Variants in NCLN observed in about 807,000 individuals in gnomAD.
NCLN encodes nicalin.
Under a neutral mutation model 69.5 loss-of-function variants are expected in NCLN, and 34 were observed. The observed-to-expected ratio is 0.49, with a 90% confidence interval of 0.37 to 0.65. The LOEUF (loss-of-function observed/expected upper bound fraction) is 0.65, where lower values mean the gene tolerates loss of function less well. Among genes scored for constraint, NCLN ranks in the 30% least tolerant of loss-of-function variants. NCLN has a pLI of 0.00. For missense variants in NCLN, 710 were observed against 804.8 expected (o/e 0.88, Z 1.42); for synonymous variants, 393 against 358.3 (o/e 1.10, Z -1.09).
intron 3 of NCLN, among the ~76,000 whole-genome samples, chr19:3,195,731 C>T (rs1213465784): frequency 6.6e-6 from 1 of 152,048 alleles, no homozygotes; most frequent in East Asian, 1.9e-4. Flanking sequence ...GTAGAGGCTG[C>T]AGTGAGCCAT....
Position 3,204,792 on chromosome 19 carries a change from C to T in NCLN, c.1208+41C>T, listed in dbSNP as rs537394088. The T allele has an allele frequency of 6.0e-5, 84 of 1,395,706 alleles. No individual in the cohort carries two copies. In the African/African-American group the frequency reaches 1.1e-3, roughly 19 times the overall value. 86.5% of individuals were successfully genotyped at this position (1,395,706 alleles called of 1,614,324 possible). ...CCTGCCCGGCCCCTCCTAGGGCTTT[C>T]CTGGGGGCTGAGCCACTGGTCGCAA... is the stretch of plus-strand genomic sequence containing the variant. On this transcript the variant is annotated intron_variant, in intron 9 of 14. Transcript: ENST00000246117.
At chr19:3,191,189 T>C (rs477511) in intron 1 of NCLN, among the ~76,000 whole-genome samples, 68,510 of 151,486 alleles carry the variant, frequency 0.45, 15,538 homozygotes, top group East Asian at 0.54. Flanking sequence ...AGCTCAGGTG[T>C]GCGGAGCAGG....
At chr19:3,196,918 C>T (rs1421896721) in intron 4 of NCLN, among the ~76,000 whole-genome samples, 1 of 152,256 alleles carries the variant, frequency 6.6e-6, no homozygotes, top group African/African-American at 2.4e-5. Context: ...GGGGTTGCCT[C>T]ACTGTCGGGG....
intron 6 of NCLN, among the ~76,000 whole-genome samples, chr19:3,201,993 G>A (rs1916137676): frequency 6.6e-6 from 1 of 152,164 alleles, no homozygotes; most frequent in South Asian, 2.1e-4. Context: ...GCGCTGAGCA[G>A]CATCCCTGCC....
Position 3,206,171 on chromosome 19 carries a change from C to G in NCLN, c.1316C>G (p.Pro439Arg). 2 of 1,248,328 alleles carry G rather than the reference C, an allele frequency of 1.6e-6. No homozygotes were observed. Among genetic ancestry groups the G allele is most frequent in the Non-Finnish European group, 2.1e-6 (2 of 970,872 alleles). 77.3% of individuals were successfully genotyped at this position (1,248,328 alleles called of 1,614,324 possible). ...LTEKGTPPDM[P>R]VFTEQMQIQQ... Reference sequence around the variant, plus strand: ...CCGCAGGGGACACCCCCAGACATGCCGGTGTTCACAGAGCAGATGGTAAGG... The same window carrying G: ...CCGCAGGGGACACCCCCAGACATGCGGGTGTTCACAGAGCAGATGGTAAGG... The change falls in exon 11 of 15, where the codon CCG becomes CGG. Residue 439 changes from proline to arginine, a missense_variant. By Grantham distance (103) the Pro-to-Arg change is moderately radical. Transcript: ENST00000246117.
intron 1 of NCLN, among the ~76,000 whole-genome samples, chr19:3,188,911 C>G (rs535214191): frequency 2.6e-5 from 4 of 152,342 alleles, no homozygotes; most frequent in Admixed American, 6.5e-5. Flanking sequence ...TGGTTTGGGC[C>G]AGAGCCCTGC....
intron 5 of NCLN, among the ~76,000 whole-genome samples, chr19:3,200,136 C>T (rs1916087703): frequency 6.6e-6 from 1 of 152,020 alleles, no homozygotes. Flanking sequence ...GCTGGGCCCA[C>T]ACAAACTCAA....
In NCLN at chr19:3,198,485, C is replaced by T. The variant is rs184253623; in HGVS notation, c.616-332C>T. 8.0e-3 allele frequency among the ~76,000 whole-genome samples: 1,144 copies of T among 143,768 alleles called. 4 individuals carry two copies. The highest frequency in any genetic ancestry group is 0.013 in the Non-Finnish European group (852 of 66,786). The allele number at this position is 143,768 out of a possible 152,430, so 94.3% of individuals were successfully genotyped here. A position where few individuals can be genotyped will look rare whatever the true frequency, so the allele number is the denominator to read the frequency against. On this transcript the variant is annotated intron_variant, in intron 4 of 14. Coordinates refer to ENST00000246117, the MANE Select transcript of NCLN (RefSeq NM_020170.4). ...TCGTACCACTGCACTCCAGCCTGGGCGACAGAGTGAGATTCCGTCTCAAAA... is the reference window on the plus strand; with the variant it reads ...TCGTACCACTGCACTCCAGCCTGGGTGACAGAGTGAGATTCCGTCTCAAAA...
intron 1 of NCLN, 59 bp downstream of exon 1, chr19:3,186,273 C>T (rs1915667728): frequency 1.4e-6 from 2 of 1,393,942 alleles, no homozygotes; most frequent in African/African-American, 1.5e-5. Flanking sequence ...GCCACTCCGG[C>T]CCGGCGATCC....
At chr19:3,206,118 C>A in intron 10 of NCLN, 34 bp from the exon 11 acceptor site, 1 of 1,552,896 alleles carries the variant, frequency 6.4e-7, no homozygotes, top group Non-Finnish European at 8.7e-7. Flanking sequence ...CTGCAGGGGC[C>A]TGGACTCAGG....
Position 3,203,856 on chromosome 19 carries a change from C to T in NCLN, c.889+12C>T, listed in dbSNP as rs189811964. On this transcript the variant is annotated intron_variant, in intron 7 of 14. Transcript: ENST00000246117. ...CCTGGACCACACAGGTGAGCGGCCC[C>T]GGGTGGGGGTGGGGGTGCCGCGGTG... 3.5e-4 allele frequency: 560 copies of T among 1,610,410 alleles called. 3 individuals are homozygous for T. The Middle Eastern group carries it at 9.3e-3, about 27-fold the overall frequency.
In NCLN at chr19:3,205,862, G is replaced by C; in HGVS notation, c.1209-77G>C. On this transcript the variant is annotated intron_variant, in intron 9 of 14. Coordinates refer to ENST00000246117, the MANE Select transcript of NCLN (RefSeq NM_020170.4). The surrounding 1 kb of genome is among the most constrained non-coding windows in gnomAD (Gnocchi z 4.6). ...GTCTCACGGTCTCCTAGGCTGGAGTGCTGGGATTACAAGTGTGAGAGCTAC... is the reference window on the plus strand; with the variant it reads ...GTCTCACGGTCTCCTAGGCTGGAGTCCTGGGATTACAAGTGTGAGAGCTAC... 1 of 1,305,818 alleles carries C rather than the reference G, an allele frequency of 7.7e-7. No individual in the cohort carries two copies. Among genetic ancestry groups the C allele is most frequent in the Non-Finnish European group, 1.1e-6 (1 of 905,168 alleles). The allele number at this position is 1,305,818 out of a possible 1,614,324, so 80.9% of individuals were successfully genotyped here.
In NCLN at chr19:3,204,193, A is replaced by G. The variant is rs896929318; in HGVS notation, c.1029+49A>G. On this transcript the variant is annotated intron_variant, in intron 8 of 14. Transcript: ENST00000246117. ...GTCCGGAGCTCTGCGGAGCACACAC[A>G]TCGGGGCCGGGTTGGGGCATCCTGT... 4 of 1,474,988 alleles carry G rather than the reference A, an allele frequency of 2.7e-6. No individual in the cohort carries two copies. In the African/African-American group the frequency reaches 4.3e-5, roughly 16 times the overall value. The allele number at this position is 1,474,988 out of a possible 1,614,324, so 91.4% of individuals were successfully genotyped here.
intron 1 of NCLN, among the ~76,000 whole-genome samples, chr19:3,187,177 A>T (rs1435931859): frequency 1.3e-5 from 2 of 151,956 alleles, no homozygotes; most frequent in Non-Finnish European, 2.9e-5. Flanking sequence ...TTGCCCTTGC[A>T]TTCTGCAAGT....
chr19:3,207,452 G>T lies in NCLN; in HGVS notation c.1615G>T (p.Ala539Ser). ...AVGIAAYLGM[A>S]YVAVQHFSLL... Reference sequence around the variant, plus strand: ...TGGCATTGCTGCCTACCTCGGCATGGCCTACGTGGCTGTCCAGGTGAGCAG... The same window carrying T: ...TGGCATTGCTGCCTACCTCGGCATGTCCTACGTGGCTGTCCAGGTGAGCAG... The change falls in exon 14 of 15, where the codon GCC (alanine) becomes TCC (serine). Residue 539 changes from alanine to serine, a missense_variant. Coordinates refer to ENST00000246117, the MANE Select transcript of NCLN (RefSeq NM_020170.4). 6.2e-7 allele frequency: 1 copy of T among 1,612,968 alleles called. No homozygotes were observed. Among genetic ancestry groups the T allele is most frequent in the Non-Finnish European group, 8.5e-7 (1 of 1,180,018 alleles).
chr19:3,198,581 C>T (rs1452208025), intron 4 of NCLN, among the ~76,000 whole-genome samples: 1 of 151,896 alleles, frequency 6.6e-6, no homozygotes, highest in Non-Finnish European at 1.5e-5. Flanking sequence ...AAGATTTCGA[C>T]CTGAGGGCCA....
At chr19:3,192,419 C>T (rs181083047) in intron 1 of NCLN, 51 bp from the exon 2 acceptor site, 104 of 1,471,642 alleles carry the variant, frequency 7.1e-5, no homozygotes, top group Admixed American at 9.1e-5. Flanking sequence ...TGTCCCCTCC[C>T]GTCGGCCTGG....
Position 3,205,920 on chromosome 19 carries a change from T to C in NCLN, c.1209-19T>C, listed in dbSNP as rs779371353. ...GGCCCAAAGTCCACATTTTAAAACA[T>C]TGTTTTTGAATCGTGAAGGTCCCGG... On this transcript the variant is annotated intron_variant, in intron 9 of 14. Coordinates refer to ENST00000246117, the MANE Select transcript of NCLN (RefSeq NM_020170.4). The surrounding 1 kb of genome is among the most constrained non-coding windows in gnomAD (Gnocchi z 4.6). 1.2e-6 allele frequency: 2 copies of C among 1,612,840 alleles called. No homozygotes were observed. Among genetic ancestry groups the C allele is most frequent in the South Asian group, 1.1e-5 (1 of 91,064 alleles).
chr19:3,207,160 G>A (rs1269576238), intron 12 of NCLN, 38 bp from the exon 13 acceptor site: 2 of 1,610,086 alleles, frequency 1.2e-6, no homozygotes, highest in South Asian at 1.1e-5. Flanking sequence ...AATTAGCTGG[G>A]CGCAGTGGTG....
Sources: gnomAD v4.1 joint callset for allele counts (sites outside exome capture counted in the v4.1 genomes callset) on GRCh38, gnomAD v4.1.1 for gene constraint, Gnocchi (gnomAD v3.1) non-coding constraint, MANE v1.5 for transcripts, NCBI Gene and HGNC (gene_info 2026-07-23, HGNC 2026-07-21) for gene names.